The following NCBP2L variants were observed in gnomAD, a reference collection of about 807,000 sequenced individuals.
The protein encoded by NCBP2L is nuclear cap-binding protein subunit 2-like.
For missense variants in NCBP2L, 95 were observed against 53.1 expected (o/e 1.79, Z -2.45); for synonymous variants, 39 against 19.2 (o/e 2.04, Z -2.70).
chrX:107,781,676 A>ATCTATCTATC lies in NCBP2L; in HGVS notation c.-73+3821_-73+3822insATCTATCTCT, dbSNP rs1380779020. On this transcript the variant is annotated intron_variant, in intron 1 of 1. Transcript: ENST00000509000. ...CATCTATCTATCTATCTATCTATCT[A>ATCTATCTATC]TCTCTCTCTCTCTCTCTATATATAT... is the stretch of plus-strand genomic sequence containing the variant. Among the ~76,000 whole-genome samples the ATCTATCTATC allele has an allele frequency of 4.5e-3, 249 of 55,863 alleles. 5 individuals carry two copies. Among genetic ancestry groups the ATCTATCTATC allele is most frequent in the African/African-American group, 0.023 (207 of 8,825 alleles). The allele number at this position is 55,863 out of a possible 115,157, so 48.5% of individuals were successfully genotyped here. A position where few individuals can be genotyped will look rare whatever the true frequency, so the allele number is the denominator to read the frequency against.
intron 1 of NCBP2L, among the ~76,000 whole-genome samples, chrX:107,785,532 A>G (rs1487981844): frequency 9.0e-6 from 1 of 111,442 alleles, no homozygotes; most frequent in East Asian, 2.8e-4. Flanking sequence ...TCCCCCAGAT[A>G]CAATTGGTTT....
intron 1 of NCBP2L, among the ~76,000 whole-genome samples, chrX:107,788,754 C>T (rs1930415550): frequency 8.9e-6 from 1 of 111,864 alleles, no homozygotes; most frequent in Non-Finnish European, 1.9e-5. Flanking sequence ...AGGTACCTAA[C>T]ATCAACTAGA....
chrX:107,782,228 TATATATAAATATATATATATAA>T (rs1930311788), intron 1 of NCBP2L, among the ~76,000 whole-genome samples: 1 of 18,860 alleles, frequency 5.3e-5, no homozygotes, highest in African/African-American at 2.9e-4. Context: ...TATAAATATA[TATATATAAATATATATATATAA>T]ATATATATAT....
chrX:107,781,882 CTCTG>C (rs1419119344), intron 1 of NCBP2L, among the ~76,000 whole-genome samples: 3 of 85,872 alleles, frequency 3.5e-5, no homozygotes, highest in African/African-American at 4.7e-5. Context: ...CGGAGTCTCG[CTCTG>C]TCTAATTTTG....
chrX:107,789,567 A>G (rs192583768), intron 1 of NCBP2L, among the ~76,000 whole-genome samples: 1 of 111,416 alleles, frequency 9.0e-6, no homozygotes, highest in African/African-American at 3.3e-5. Flanking sequence ...CACCACTGTT[A>G]TTTCTCTTTT....
At chrX:107,780,629 C>CT (rs984996831) in intron 1 of NCBP2L, among the ~76,000 whole-genome samples, 12,691 of 85,440 alleles carry the variant, frequency 0.15, 1,342 homozygotes, top group African/African-American at 0.33. Context: ...GGGAAGTTCA[C>CT]TTTTTTTTTT....
chrX:107,786,463 G>A (rs946465209), intron 1 of NCBP2L, among the ~76,000 whole-genome samples: 1 of 111,659 alleles, frequency 9.0e-6, no homozygotes, highest in African/African-American at 3.3e-5. Flanking sequence ...TTGCTTGACT[G>A]CTGGTACTGG....
At chrX:107,792,771 C>T (rs963684935) in intron 1 of NCBP2L, among the ~76,000 whole-genome samples, 1 of 111,715 alleles carries the variant, frequency 9.0e-6, no homozygotes, top group Non-Finnish European at 1.9e-5. Context: ...TCTCTGTTGT[C>T]CCCAGGCTGA....
intron 1 of NCBP2L, among the ~76,000 whole-genome samples, chrX:107,789,952 C>A (rs767456797): frequency 1.3e-4 from 14 of 111,111 alleles, no homozygotes; most frequent in Non-Finnish European, 2.1e-4. Context: ...CTCTTGAGAG[C>A]TCCAAACCCA....
chrX:107,791,754 T>C lies in NCBP2L; in HGVS notation c.-72-2395T>C, dbSNP rs189239255. Among the ~76,000 whole-genome samples the C allele has an allele frequency of 4.4e-3, 499 of 112,422 alleles. 3 individuals are homozygous for C. Among genetic ancestry groups the C allele is most frequent in the African/African-American group, 0.015 (462 of 30,978 alleles). On this transcript the variant is annotated intron_variant, in intron 1 of 1. Coordinates refer to ENST00000509000, the MANE Select transcript of NCBP2L (RefSeq NM_001348372.2). Reference sequence around the variant, plus strand: ...TGAACACCTACAGTGTGTCAAACACTGTGCTGGGTGTTTTTACATATGACA... The same window carrying C: ...TGAACACCTACAGTGTGTCAAACACCGTGCTGGGTGTTTTTACATATGACA...
intron 1 of NCBP2L, 63 bp from the exon 2 acceptor site, chrX:107,794,086 T>C (rs1930485782): frequency 4.7e-6 from 2 of 429,924 alleles, no homozygotes; most frequent in African/African-American, 2.5e-5. Flanking sequence ...ATGTTAAATA[T>C]TCACAGGTTT....
intron 1 of NCBP2L, among the ~76,000 whole-genome samples, chrX:107,781,726 ATAGATCTATATATAGATATC>A (rs1156816199): frequency 3.4e-5 from 3 of 88,920 alleles, no homozygotes; most frequent in Non-Finnish European, 6.6e-5. Flanking sequence ...ATAGATATCT[ATAGATCTATATATAGATATC>A]TATATATAGA....
At chrX:107,788,861 T>C (rs1930416604) in intron 1 of NCBP2L, among the ~76,000 whole-genome samples, 1 of 111,544 alleles carries the variant, frequency 9.0e-6, no homozygotes, top group Admixed American at 9.5e-5. Context: ...CCTACTATCA[T>C]CTGCTGTACT....
At chrX:107,786,609 T>A (rs926796733) in intron 1 of NCBP2L, among the ~76,000 whole-genome samples, 1 of 111,527 alleles carries the variant, frequency 9.0e-6, no homozygotes, top group African/African-American at 3.3e-5. Context: ...TCAATAATAA[T>A]GACTACCACA....
At chrX:107,790,682 C>G (rs1569457858) in intron 1 of NCBP2L, among the ~76,000 whole-genome samples, 1 of 111,785 alleles carries the variant, frequency 8.9e-6, no homozygotes, top group Non-Finnish European at 1.9e-5. Flanking sequence ...TGGACTCAGA[C>G]TATGTCTGGG....
intron 1 of NCBP2L, among the ~76,000 whole-genome samples, chrX:107,790,825 A>T (rs946538915): frequency 7.2e-5 from 8 of 111,850 alleles, no homozygotes; most frequent in African/African-American, 2.6e-4. Flanking sequence ...CAAAAAAGTA[A>T]ATACTACGTA....
chrX:107,792,516 T>G (rs1198802659), intron 1 of NCBP2L, among the ~76,000 whole-genome samples: 1 of 112,145 alleles, frequency 8.9e-6, no homozygotes, highest in Non-Finnish European at 1.9e-5. Context: ...AAATGACATC[T>G]AAATAGGGAC....
At chrX:107,779,775 C>G (rs796709252) in intron 1 of NCBP2L, among the ~76,000 whole-genome samples, 1 of 77,649 alleles carries the variant, frequency 1.3e-5, no homozygotes, top group Non-Finnish European at 2.3e-5. Context: ...GACAGAGTCT[C>G]GCTCTGTCGC....
chrX:107,781,200 G>A (rs1930260823), intron 1 of NCBP2L, among the ~76,000 whole-genome samples: 1 of 108,311 alleles, frequency 9.2e-6, no homozygotes, highest in African/African-American at 3.4e-5. Context: ...TTACAGGCAT[G>A]AGCCATGAAG....
Sources: allele counts gnomAD v4.1 joint callset (sites outside exome capture counted in the v4.1 genomes callset), GRCh38; gene constraint gnomAD v4.1.1; transcripts MANE v1.5; gene names NCBI Gene and HGNC (gene_info 2026-07-23, HGNC 2026-07-21).